Variants in CMYA5 observed in about 807,000 individuals in gnomAD.
The protein encoded by CMYA5 is cardiomyopathy-associated protein 5.
CMYA5 carries 246 observed loss-of-function variants against 318.9 expected under a neutral mutation model. The observed-to-expected ratio is 0.77, with a 90% CI of 0.70 to 0.86. The LOEUF (loss-of-function observed/expected upper bound fraction) is 0.86, where lower values mean the gene tolerates loss of function less well. CMYA5 is among the 40% of genes least tolerant of loss of function. The probability of loss-of-function intolerance (pLI) is 0.00; values close to 1 mark genes in which losing one functional copy is unlikely to be tolerated. For missense variants in CMYA5, 4,589 were observed against 4,678.2 expected, an observed-to-expected ratio of 0.98 and a Z score of 0.56; for synonymous variants, 1,641 against 1,729.5, an observed-to-expected ratio of 0.95 and a Z score of 1.27.
chr5:79,710,837 C>A (rs905909085), intron 1 of CMYA5, among the ~76,000 whole-genome samples: 35 of 152,070 alleles, frequency 2.3e-4, no homozygotes, highest in African/African-American at 8.2e-4. Context: ...AAATGCACAT[C>A]ATTTTTAGTG....
chr5:79,743,526 C>A (rs2151090015), intron 2 of CMYA5, among the ~76,000 whole-genome samples: 1 of 152,232 alleles, frequency 6.6e-6, no homozygotes, highest in East Asian at 1.9e-4. Context: ...ATCTATAGTT[C>A]ATTAAAACAG....
chr5:79,785,244 C>A (rs1263445316), intron 9 of CMYA5, among the ~76,000 whole-genome samples: 1 of 152,004 alleles, frequency 6.6e-6, no homozygotes, highest in Non-Finnish European at 1.5e-5. Flanking sequence ...GATTAGGTTG[C>A]CGCTTCCTGA....
chr5:79,793,466 C>T lies in CMYA5; in HGVS notation c.11819C>T (p.Pro3940Leu), dbSNP rs1420207821. 2 of 1,613,476 alleles carry T rather than the reference C, an allele frequency of 1.2e-6. No individual in the cohort carries two copies. The highest frequency in any genetic ancestry group is 1.7e-6 in the Non-Finnish European group (2 of 1,179,454). ...CCGTCAGTGCTGGGTGAGGAGCTGCCTTCCTGTGGCCAGCATTACTGGGAA... is the reference window on the plus strand; with the variant it reads ...CCGTCAGTGCTGGGTGAGGAGCTGCTTTCCTGTGGCCAGCATTACTGGGAA... Reference protein sequence around the residue: ...EIPSVLGEELPSCGQHYWETT... With the variant: ...EIPSVLGEELLSCGQHYWETT... The change falls in exon 12 of 13, where the codon CCT (proline) becomes CTT (leucine). Residue 3940 changes from proline (P) to leucine (L), a missense_variant. Pro to Leu is a moderately conservative substitution (Grantham distance 98). Transcript: ENST00000446378.
At chr5:79,751,892 A>C (rs1828437027) in intron 5 of CMYA5, among the ~76,000 whole-genome samples, 1 of 152,216 alleles carries the variant, frequency 6.6e-6, no homozygotes, top group African/African-American at 2.4e-5. Context: ...TAAGTCAAGG[A>C]AGGAGCTGAG....
intron 1 of CMYA5, among the ~76,000 whole-genome samples, chr5:79,725,425 G>T (rs1827724703): frequency 6.6e-6 from 1 of 152,148 alleles, no homozygotes. Flanking sequence ...GGTACACATG[G>T]ACATAAAGAT....
chr5:79,754,383 C>T (rs1828488227), intron 6 of CMYA5, among the ~76,000 whole-genome samples: 1 of 152,204 alleles, frequency 6.6e-6, no homozygotes, highest in Non-Finnish European at 1.5e-5. Context: ...AACCGTTAAG[C>T]ATATCAAATC....
chr5:79,708,253 A>C lies in CMYA5; in HGVS notation c.149+18197A>C, dbSNP rs554731824. On this transcript the variant is annotated intron_variant, in intron 1 of 12. Transcript: ENST00000446378. ...TAGCACTGTGGGGTATATTAAGATA[A>C]TGACACATAGTTTCTGTCTCAAGAA... 3.3e-5 allele frequency among the ~76,000 whole-genome samples: 5 copies of C among 152,348 alleles called. No homozygotes were observed. In the South Asian group the frequency reaches 1.0e-3, roughly 32 times the overall value.
intron 1 of CMYA5, among the ~76,000 whole-genome samples, chr5:79,707,616 GGAAGA>G (rs1249507427): frequency 6.6e-6 from 1 of 152,130 alleles, no homozygotes; most frequent in Non-Finnish European, 1.5e-5. Context: ...AAAAGGAAAA[GGAAGA>G]GAAGAAAAAT....
intron 9 of CMYA5, among the ~76,000 whole-genome samples, chr5:79,772,142 C>A (rs772312885): frequency 1.4e-4 from 21 of 152,050 alleles, no homozygotes; most frequent in Non-Finnish European, 1.9e-4. Flanking sequence ...GACCATCCAC[C>A]AATTTCATTA....
Position 79,793,629 on chromosome 5 carries a change from TC to T in CMYA5, c.11963+23del, listed in dbSNP as rs1389267441. The stretch of plus-strand genomic sequence containing the variant: ...CACAGAGGTAAGCGAGCCCTTCCCC[TC>T]CCCTCTTCATCAAAATATTATGCTT... On this transcript the variant is annotated intron_variant, in intron 12 of 12. Transcript: ENST00000446378. The T allele has an allele frequency of 6.3e-7, 1 of 1,577,784 alleles. No homozygotes were observed. Among genetic ancestry groups the T allele is most frequent in the South Asian group, 1.1e-5 (1 of 88,274 alleles).
Position 79,738,747 on chromosome 5 carries a change from G to A in CMYA5, c.9982G>A (p.Asp3328Asn), listed in dbSNP as rs756212121. The A allele has an allele frequency of 4.5e-5, 72 of 1,613,794 alleles. No homozygotes were observed. The highest frequency in any genetic ancestry group is 1.2e-4 in the Admixed American group (7 of 59,970). The change falls in exon 2 of 13, where the codon GAC (aspartate) becomes AAC (asparagine). Residue 3328 changes from aspartate (D) to asparagine (N), a missense_variant. Asp to Asn is a conservative substitution (Grantham distance 23). Transcript: ENST00000446378. ...AMQKKAPITE[D>N]VRVATQKISY... is the part of the protein sequence containing the mutation. Reference sequence around the variant, plus strand: ...GCAGAAGAAAGCTCCCATCACAGAGGACGTCAGAGTGGCTACCCAGAAAAT... The same window carrying A: ...GCAGAAGAAAGCTCCCATCACAGAGAACGTCAGAGTGGCTACCCAGAAAAT...
intron 5 of CMYA5, among the ~76,000 whole-genome samples, chr5:79,748,520 C>CCTATCTTAT (rs1828371872): frequency 6.7e-6 from 1 of 149,082 alleles, no homozygotes; most frequent in Admixed American, 6.7e-5. Flanking sequence ...TATCTATCTA[C>CCTATCTTAT]CTATCTATCT....
intron 1 of CMYA5, among the ~76,000 whole-genome samples, chr5:79,695,362 A>C (rs1827047608): frequency 6.6e-6 from 1 of 152,246 alleles, no homozygotes; most frequent in African/African-American, 2.4e-5. Flanking sequence ...TTTAGTAATC[A>C]CTTAACCCAA....
In CMYA5 at chr5:79,754,149, G is replaced by A. The variant is rs76425788; in HGVS notation, c.11110+1355G>A. On this transcript the variant is annotated intron_variant, in intron 6 of 12. Coordinates refer to ENST00000446378, the MANE Select transcript of CMYA5 (RefSeq NM_153610.5). Reference sequence around the variant, plus strand: ...CAGAGCCATAAATGTTACTTTGTGCGTCTGTTTCACAAAATTGGAGCCCAG... The same window carrying A: ...CAGAGCCATAAATGTTACTTTGTGCATCTGTTTCACAAAATTGGAGCCCAG... Among the ~76,000 whole-genome samples, 1,284 of 152,280 alleles carry A rather than the reference G, an allele frequency of 8.4e-3. 22 individuals are homozygous for A. The highest frequency in any genetic ancestry group is 0.03 in the African/African-American group (1,230 of 41,556).
intron 1 of CMYA5, among the ~76,000 whole-genome samples, chr5:79,706,446 C>A (rs975939718): frequency 1.3e-5 from 2 of 152,170 alleles, no homozygotes; most frequent in South Asian, 2.1e-4. Context: ...TACAAACAAT[C>A]CATAGAAACA....
At position 79,763,338 on chromosome 5, in the gene CMYA5, C is replaced by T. The variant is rs2287677; in HGVS notation, c.11555+129C>T. The stretch of plus-strand genomic sequence containing the variant: ...TAAAATCCTGCTGAGCTAATGAAGC[C>T]GCTGACTTGATTTGCAGCTCTATCA... On this transcript the variant is annotated intron_variant, in intron 9 of 12. Coordinates refer to ENST00000446378, the MANE Select transcript of CMYA5 (RefSeq NM_153610.5). 5.8e-3 allele frequency: 4,654 copies of T among 798,766 alleles called. 153 individuals carry two copies. The East Asian group carries it at 0.076, about 13-fold the overall frequency. 49.5% of individuals were successfully genotyped at this position (798,766 alleles called of 1,614,324 possible).
chr5:79,778,835 G>GTGTGTGTGTGTGTGTGTGTGTGTT, intron 9 of CMYA5, among the ~76,000 whole-genome samples: 1 of 113,356 alleles, frequency 8.8e-6, no homozygotes. Flanking sequence ...GTGTGTGTGT[G>GTGTGTGTGTGTGTGTGTGTGTGTT]TATGTTTATT....
intron 1 of CMYA5, among the ~76,000 whole-genome samples, chr5:79,695,868 T>C (rs533941929): frequency 6.6e-6 from 1 of 152,332 alleles, no homozygotes; most frequent in South Asian, 2.1e-4. Flanking sequence ...AGGCACAATA[T>C]GTGGTTAGGT....
intron 7 of CMYA5, among the ~76,000 whole-genome samples, chr5:79,759,975 T>G (rs1437574988): frequency 2.6e-5 from 4 of 152,166 alleles, no homozygotes; most frequent in Non-Finnish European, 4.4e-5. Context: ...GTGAGAAAAC[T>G]AATGTGAGGT....
Sources: gnomAD v4.1 joint callset for allele counts (sites outside exome capture counted in the v4.1 genomes callset) on GRCh38, gnomAD v4.1.1 for gene constraint, MANE v1.5 for transcripts, NCBI Gene and HGNC (gene_info 2026-07-23, HGNC 2026-07-21) for gene names.